MYO16: variants seen among roughly 807,000 people sequenced by gnomAD.
MYO16 encodes myosin XVI, also known as unconventional myosin-XVI.
A neutral mutation model predicts 205.3 loss-of-function variants in MYO16; 94 were observed. The observed-to-expected ratio is 0.46, with a 90% CI of 0.39 to 0.54. The LOEUF is 0.54. Ranked by LOEUF, MYO16 falls within the 20% of genes least tolerant of loss-of-function variation. The probability of loss-of-function intolerance (pLI) is 0.00; values close to 1 mark genes in which losing one functional copy is unlikely to be tolerated. For missense variants in MYO16, 2,315 were observed against 2,387.5 expected (o/e 0.97, Z 0.63); for synonymous variants, 988 against 954.0 (o/e 1.04, Z -0.66).
At chr13:108,575,423 G>GAC in the MYO16 span, among the ~76,000 whole-genome samples, 1 of 152,176 alleles carries the variant, frequency 6.6e-6, no homozygotes, top group Non-Finnish European at 1.5e-5. Flanking sequence ...CTGCCAAAGG[G>GAC]ACAGCTAGTC....
intron 32 of MYO16, among the ~76,000 whole-genome samples, chr13:109,144,422 A>G (rs1407789569): frequency 1.3e-5 from 2 of 152,218 alleles, no homozygotes; most frequent in Non-Finnish European, 2.9e-5. Context: ...AGGAGAGGTT[A>G]AACATAAGCT....
At position 108,608,088 on chromosome 13, in the gene MYO16, G is replaced by A. The variant is rs565033544; in HGVS notation, c.-39+11849G>A. 1.5e-3 allele frequency among the ~76,000 whole-genome samples: 226 copies of A among 152,274 alleles called. 1 individual carries two copies. Among genetic ancestry groups the A allele is most frequent in the Non-Finnish European group, 4.7e-4 (32 of 68,024 alleles). On this transcript the variant is annotated intron_variant, in intron 1 of 24. Transcript: ENST00000251041. ...ACAGCACTTTGTAATTCTAACGATC[G>A]ATAATTATCACTTTCAGTTTTGCAG...
intron 32 of MYO16, among the ~76,000 whole-genome samples, chr13:109,146,355 T>C (rs1877330644): frequency 6.6e-6 from 1 of 152,240 alleles, no homozygotes; most frequent in Admixed American, 6.5e-5. Flanking sequence ...TTTCAAGTTT[T>C]CCTTATGGAA....
At chr13:109,192,807 CCTT>C (rs1163209986) in intron 34 of MYO16, among the ~76,000 whole-genome samples, 3 of 152,188 alleles carry the variant, frequency 2.0e-5, no homozygotes, top group African/African-American at 7.2e-5. Context: ...CAAGAAATAT[CCTT>C]CTTTTGTGCA....
At chr13:108,595,881 C>CTTTTTTT (rs67620613), upstream of MYO16, among the ~76,000 whole-genome samples, 4 of 108,306 alleles carry the variant, frequency 3.7e-5, no homozygotes, top group Non-Finnish European at 5.3e-5. Flanking sequence ...AAATTAAGTC[C>CTTTTTTT]TTTTTTTTTT....
intron 23 of MYO16, among the ~76,000 whole-genome samples, chr13:109,043,571 T>A (rs1287181595): frequency 6.6e-6 from 1 of 152,174 alleles, no homozygotes; most frequent in Non-Finnish European, 1.5e-5. Context: ...AATAGCAGTG[T>A]TGCATTAAAG....
chr13:108,832,144 A>ATTTTTTTT (rs10635580), intron 9 of MYO16, among the ~76,000 whole-genome samples: 1 of 134,600 alleles, frequency 7.4e-6, no homozygotes, highest in Non-Finnish European at 1.5e-5. Flanking sequence ...TTCCGTATGG[A>ATTTTTTTT]TTTTTTTTTT....
chr13:108,885,308 G>C (rs763591122), intron 13 of MYO16, among the ~76,000 whole-genome samples: 1 of 152,106 alleles, frequency 6.6e-6, no homozygotes, highest in African/African-American at 2.4e-5. Context: ...TAGTAGAGTC[G>C]GGGGTGTCAC....
At chr13:108,582,589 G>A in the MYO16 span, among the ~76,000 whole-genome samples, 1 of 152,188 alleles carries the variant, frequency 6.6e-6, no homozygotes, top group Non-Finnish European at 1.5e-5. Flanking sequence ...GAGAAAACAG[G>A]ACAATTACCA....
chr13:108,519,870 A>C, the MYO16 span, among the ~76,000 whole-genome samples: 1 of 152,170 alleles, frequency 6.6e-6, no homozygotes, highest in Non-Finnish European at 1.5e-5. Flanking sequence ...AACTGAAAAC[A>C]TAAGTTTTGA....
chr13:109,148,401 T>G (rs111890577), intron 32 of MYO16, among the ~76,000 whole-genome samples: 5 of 152,220 alleles, frequency 3.3e-5, no homozygotes, highest in African/African-American at 9.6e-5. Flanking sequence ...CTTGTGGAGC[T>G]AATTCCCTTA....
At chr13:108,943,505 TGGA>T (rs1882813563) in intron 16 of MYO16, among the ~76,000 whole-genome samples, 1 of 152,156 alleles carries the variant, frequency 6.6e-6, no homozygotes, top group African/African-American at 2.4e-5. Flanking sequence ...TCGCCCAGGC[TGGA>T]GTGCAGTGAC....
At chr13:108,583,554 AT>A in the MYO16 span, among the ~76,000 whole-genome samples, 1 of 152,304 alleles carries the variant, frequency 6.6e-6, no homozygotes, top group Admixed American at 6.5e-5. Context: ...GTGATATACT[AT>A]TTTTTAATAA....
intron 4 of MYO16, among the ~76,000 whole-genome samples, chr13:108,732,452 C>T (rs1048485960): frequency 2.0e-5 from 3 of 152,048 alleles, no homozygotes; most frequent in South Asian, 2.1e-4. Context: ...ACATGTGAGC[C>T]GGGAGCTACG....
chr13:108,981,970 A>G (rs1387634964), intron 20 of MYO16, among the ~76,000 whole-genome samples: 5 of 152,228 alleles, frequency 3.3e-5, no homozygotes, highest in Admixed American at 2.6e-4. Context: ...CTTCTGGGCC[A>G]TTAAAATCCC....
At chr13:108,860,764 C>T (rs1489296318) in intron 11 of MYO16, among the ~76,000 whole-genome samples, 2 of 152,102 alleles carry the variant, frequency 1.3e-5, no homozygotes, top group Non-Finnish European at 2.9e-5. Flanking sequence ...GAAGCTAGAC[C>T]CCTTCCTTGC....
At chr13:109,142,906 G>T (rs1036336557) in intron 32 of MYO16, among the ~76,000 whole-genome samples, 1 of 152,000 alleles carries the variant, frequency 6.6e-6, no homozygotes, top group Non-Finnish European at 1.5e-5. Flanking sequence ...TCATTCTTTC[G>T]TTGCTTCATT....
chr13:109,163,679 C>A (rs1878500613), intron 32 of MYO16, among the ~76,000 whole-genome samples: 1 of 152,108 alleles, frequency 6.6e-6, no homozygotes, highest in Non-Finnish European at 1.5e-5. Context: ...ATGACATAAT[C>A]CAATTTGTCT....
At chr13:109,115,242 C>CAAAAA (rs61441934) in intron 28 of MYO16, among the ~76,000 whole-genome samples, 7 of 58,034 alleles carry the variant, frequency 1.2e-4, no homozygotes, top group African/African-American at 5.5e-4. Flanking sequence ...CTACACCTCT[C>CAAAAA]AAAAAAAAAA....
Sources: allele counts gnomAD v4.1 joint callset (sites outside exome capture counted in the v4.1 genomes callset), GRCh38; gene constraint gnomAD v4.1.1; transcripts MANE v1.5; gene names NCBI Gene and HGNC (gene_info 2026-07-23, HGNC 2026-07-21).